Variants in CTNNA2 observed in about 807,000 individuals in gnomAD.
CTNNA2 encodes the protein catenin alpha-2.
CTNNA2 carries 42 observed loss-of-function variants against 101.0 expected under a neutral mutation model. That is an observed-to-expected ratio of 0.42 (90% CI 0.32 to 0.54). CTNNA2 has a LOEUF of 0.54. Among genes scored for constraint, CTNNA2 ranks in the 20% least tolerant of loss-of-function variants. The pLI is 0.14. For missense variants in CTNNA2, 871 were observed against 1,223.1 expected (o/e 0.71, Z 4.29); for synonymous variants, 450 against 456.4 (o/e 0.99, Z 0.18).
intron 3 of CTNNA2, among the ~76,000 whole-genome samples, chr2:79,791,499 T>C (rs975117410): frequency 6.6e-6 from 1 of 152,204 alleles, no homozygotes; most frequent in Non-Finnish European, 1.5e-5. Context: ...GCATCTTCTC[T>C]TCTCCATTAC....
intron 7 of CTNNA2, among the ~76,000 whole-genome samples, chr2:80,204,988 A>G (rs1438531131): frequency 6.6e-6 from 1 of 152,082 alleles, no homozygotes; most frequent in African/African-American, 2.4e-5. Context: ...ATCAGATCTC[A>G]TGAGACAAAT....
At chr2:79,644,915 C>A (rs1030964271) in intron 1 of CTNNA2, among the ~76,000 whole-genome samples, 2 of 152,136 alleles carry the variant, frequency 1.3e-5, no homozygotes, top group South Asian at 4.1e-4. Context: ...CTCTAAAAGC[C>A]GTACGCCAGA....
At chr2:79,372,825 G>A (rs958228649) in intron 3 of CTNNA2, among the ~76,000 whole-genome samples, 1 of 152,182 alleles carries the variant, frequency 6.6e-6, no homozygotes, top group African/African-American at 2.4e-5. Context: ...TTAATTGGCA[G>A]AGGCCTACCA....
At chr2:79,763,741 G>A (rs867631268) in intron 3 of CTNNA2, among the ~76,000 whole-genome samples, 13 of 152,072 alleles carry the variant, frequency 8.5e-5, no homozygotes, top group African/African-American at 3.1e-4. Context: ...CTTGACGGTT[G>A]CATTGTTTGT....
rs1671079388 is a variant in CTNNA2, at chr2:79,478,823, C to T, written c.-134-26231C>T. Among the ~76,000 whole-genome samples, 3 of 152,110 alleles carry T rather than the reference C, an allele frequency of 2.0e-5. No individual in the cohort carries two copies. The South Asian group carries it at 6.2e-4, about 31-fold the overall frequency. ...TTGCCTGAGCATGTAGTATAATACCCAACTGGCCCACTGGAAATAGTCATA... is the reference window on the plus strand; with the variant it reads ...TTGCCTGAGCATGTAGTATAATACCTAACTGGCCCACTGGAAATAGTCATA... On this transcript the variant is annotated intron_variant, in intron 4 of 21. Coordinates refer to the CTNNA2 transcript ENST00000466387.
At chr2:80,229,639 A>G (rs1275163602) in intron 7 of CTNNA2, among the ~76,000 whole-genome samples, 1 of 152,142 alleles carries the variant, frequency 6.6e-6, no homozygotes, top group Non-Finnish European at 1.5e-5. Context: ...TGGAGGTCTC[A>G]TTACATAGGC....
chr2:80,187,420 T>C (rs1436087698), intron 7 of CTNNA2, among the ~76,000 whole-genome samples: 5 of 152,260 alleles, frequency 3.3e-5, no homozygotes, highest in African/African-American at 9.6e-5. Flanking sequence ...TCACACTATA[T>C]AACAAAGTGC....
At chr2:79,504,068 T>C (rs1050738051) in intron 4 of CTNNA2, among the ~76,000 whole-genome samples, 2 of 152,132 alleles carry the variant, frequency 1.3e-5, no homozygotes, top group Non-Finnish European at 2.9e-5. Flanking sequence ...CCTTCAGCAA[T>C]GAAGATTTGG....
At chr2:80,406,684 G>T (rs1046575269) in intron 8 of CTNNA2, among the ~76,000 whole-genome samples, 11 of 151,818 alleles carry the variant, frequency 7.2e-5, no homozygotes, top group Middle Eastern at 3.4e-3. Flanking sequence ...AAAATTAGCC[G>T]GGTGTGGTGG....
intron 16 of CTNNA2, among the ~76,000 whole-genome samples, chr2:80,606,279 G>A (rs181660435): frequency 3.5e-4 from 53 of 150,762 alleles, no homozygotes; most frequent in South Asian, 1.5e-3. Context: ...TGTGACTTTT[G>A]TTTTTGATTT....
rs190981975 is a variant in CTNNA2, at chr2:80,212,311, T to C, written c.1057-180900T>C. On this transcript the variant is annotated intron_variant, in intron 7 of 18. Transcript: ENST00000402739. The stretch of plus-strand genomic sequence containing the variant: ...GTCTTGTGCCAGTTTTCAAAGGGAA[T>C]GCTTCAAGTTTTTGCCCATTCAGTA... Among the ~76,000 whole-genome samples the C allele has an allele frequency of 4.3e-4, 66 of 152,340 alleles. 2 individuals are homozygous for C. Among genetic ancestry groups the C allele is most frequent in the African/African-American group, 1.4e-3 (59 of 41,572 alleles).
intron 7 of CTNNA2, among the ~76,000 whole-genome samples, chr2:80,225,862 T>C (rs1195914080): frequency 1.3e-5 from 2 of 152,220 alleles, no homozygotes; most frequent in African/African-American, 4.8e-5. Flanking sequence ...TTGGATGTAC[T>C]ATTAGTGTTT....
chr2:79,928,069 A>G (rs762997480), intron 7 of CTNNA2, among the ~76,000 whole-genome samples: 2 of 152,196 alleles, frequency 1.3e-5, no homozygotes, highest in Non-Finnish European at 2.9e-5. Context: ...TTGAATCTTA[A>G]GGGGTCATTT....
intron 7 of CTNNA2, among the ~76,000 whole-genome samples, chr2:80,268,528 G>A (rs1673197784): frequency 6.6e-6 from 1 of 152,046 alleles, no homozygotes; most frequent in Non-Finnish European, 1.5e-5. Flanking sequence ...GGAGACAAAT[G>A]ACAAGAAAAC....
intron 9 of CTNNA2, among the ~76,000 whole-genome samples, chr2:80,519,089 A>T (rs573677738): frequency 6.6e-6 from 1 of 152,244 alleles, no homozygotes; most frequent in African/African-American, 2.4e-5. Context: ...TTGATAAGGG[A>T]ATACAAGAAT....
intron 2 of CTNNA2, among the ~76,000 whole-genome samples, chr2:79,708,999 G>A (rs1685570327): frequency 6.6e-6 from 1 of 152,124 alleles, no homozygotes; most frequent in Non-Finnish European, 1.5e-5. Context: ...ACCTATTATG[G>A]TTTTACCTGT....
intron 1 of CTNNA2, among the ~76,000 whole-genome samples, chr2:79,194,250 C>T (rs190931693): frequency 3.3e-5 from 5 of 152,180 alleles, no homozygotes; most frequent in African/African-American, 1.2e-4. Context: ...TGGTGGAGGG[C>T]AAGCTAGAGT....
intron 4 of CTNNA2, among the ~76,000 whole-genome samples, chr2:79,470,447 A>G (rs1670986289): frequency 6.6e-6 from 1 of 152,252 alleles, no homozygotes; most frequent in Non-Finnish European, 1.5e-5. Flanking sequence ...GGATATTACA[A>G]AAGCAAGCAA....
intron 3 of CTNNA2, among the ~76,000 whole-genome samples, chr2:79,825,877 T>C (rs1487547078): frequency 6.6e-6 from 1 of 152,174 alleles, no homozygotes; most frequent in African/African-American, 2.4e-5. Context: ...TAAATGAGGA[T>C]TGCTCTATCA....
Sources: allele counts gnomAD v4.1 joint callset (sites outside exome capture counted in the v4.1 genomes callset), GRCh38; gene constraint gnomAD v4.1.1; transcripts MANE v1.5; gene names NCBI Gene and HGNC (gene_info 2026-07-23, HGNC 2026-07-21).